The following NELL1 variants were observed in gnomAD, a reference collection of about 807,000 sequenced individuals.
NELL1 encodes neural EGFL like 1.
Under a neutral mutation model 107.4 loss-of-function variants are expected in NELL1, and 76 were observed. The observed-to-expected ratio is 0.71, with a 90% CI of 0.59 to 0.86. The LOEUF (loss-of-function observed/expected upper bound fraction) is 0.86. NELL1 is among the 40% of genes least tolerant of loss of function. The probability of loss-of-function intolerance (pLI) is 0.00; values close to 1 mark genes in which losing one functional copy is unlikely to be tolerated. For missense variants in NELL1, 1,024 were observed against 1,005.5 expected (o/e 1.02, Z -0.25); for synonymous variants, 353 against 341.2 (o/e 1.03, Z -0.38).
chr11:20,798,935 T>C (rs1857227399), intron 3 of NELL1, among the ~76,000 whole-genome samples: 1 of 99,294 alleles, frequency 1.0e-5, no homozygotes, highest in East Asian at 4.4e-4. Context: ...GGGCCTGTCC[T>C]CAGGGAGCTT....
intron 2 of NELL1, among the ~76,000 whole-genome samples, chr11:20,773,095 C>T (rs970744017): frequency 1.3e-5 from 2 of 152,236 alleles, no homozygotes; most frequent in Admixed American, 6.5e-5. Flanking sequence ...GAACTGACCA[C>T]TAACCATGCC....
intron 11 of NELL1, among the ~76,000 whole-genome samples, chr11:20,953,614 C>T (rs1248004221): frequency 6.6e-6 from 1 of 152,118 alleles, no homozygotes; most frequent in Admixed American, 6.5e-5. Context: ...ACAGGACCAC[C>T]ACTGCATCCA....
chr11:21,497,156 C>G (rs900715913), intron 15 of NELL1, among the ~76,000 whole-genome samples: 1 of 106,262 alleles, frequency 9.4e-6, no homozygotes, highest in South Asian at 3.1e-4. Flanking sequence ...AATGGGATGG[C>G]TGGGGTGGGG....
chr11:21,266,170 CA>C (rs1235521879), intron 14 of NELL1, among the ~76,000 whole-genome samples: 10 of 149,788 alleles, frequency 6.7e-5, no homozygotes, highest in Admixed American at 6.0e-4. Flanking sequence ...CATGAACTGG[CA>C]GTTCGCATTC....
chr11:20,835,598 T>G (rs1848518870), intron 3 of NELL1, among the ~76,000 whole-genome samples: 1 of 152,238 alleles, frequency 6.6e-6, no homozygotes, highest in Non-Finnish European at 1.5e-5. Flanking sequence ...GAGAATACTC[T>G]GCTACCATTT....
chr11:20,810,548 T>G (rs1454589308), intron 3 of NELL1, among the ~76,000 whole-genome samples: 1 of 152,244 alleles, frequency 6.6e-6, no homozygotes, highest in Non-Finnish European at 1.5e-5. Flanking sequence ...ATGCTGTTAA[T>G]TCATTCCTTT....
At chr11:21,563,491 C>G (rs1856898241) in intron 17 of NELL1, among the ~76,000 whole-genome samples, 1 of 151,970 alleles carries the variant, frequency 6.6e-6, no homozygotes, top group Admixed American at 6.6e-5. Context: ...GTTCCACATT[C>G]TTGGATTCAA....
chr11:21,330,608 C>A (rs956933313), intron 14 of NELL1, among the ~76,000 whole-genome samples: 2 of 151,956 alleles, frequency 1.3e-5, no homozygotes, highest in Non-Finnish European at 2.9e-5. Context: ...GCCTGGGATT[C>A]TTTTATGTAT....
Position 21,527,592 on chromosome 11 carries a change from A to G in NELL1, c.1646-6782A>G, listed in dbSNP as rs189726138. Among the ~76,000 whole-genome samples, 547 of 152,328 alleles carry G rather than the reference A, an allele frequency of 3.6e-3. 1 individual carries two copies. The highest frequency in any genetic ancestry group is 5.7e-3 in the Non-Finnish European group (390 of 68,040). On this transcript the variant is annotated intron_variant, in intron 15 of 19. Transcript: ENST00000357134. ...GAGTTTATTAGGAGAATTGACTCACATGATCACAAGCTAAAGTCCCACAAT... is the reference window on the plus strand; with the variant it reads ...GAGTTTATTAGGAGAATTGACTCACGTGATCACAAGCTAAAGTCCCACAAT...
chr11:20,928,016 G>A (rs1464329433), intron 8 of NELL1, among the ~76,000 whole-genome samples: 1 of 152,178 alleles, frequency 6.6e-6, no homozygotes, highest in Non-Finnish European at 1.5e-5. Context: ...TCTGAAGAAT[G>A]CCATTGTTTG....
At chr11:20,989,978 CAG>C (rs1286949417) in intron 12 of NELL1, among the ~76,000 whole-genome samples, 1 of 143,944 alleles carries the variant, frequency 6.9e-6, no homozygotes. Context: ...GCCTGGGAGA[CAG>C]AGTGAGACTC....
intron 5 of NELL1, among the ~76,000 whole-genome samples, chr11:20,905,374 A>G (rs1348428349): frequency 1.3e-5 from 2 of 152,190 alleles, no homozygotes. Flanking sequence ...ATAAAGTCAC[A>G]GGCAAACAAA....
rs368490544 is a variant in NELL1 at position 21,398,656 on chromosome 11, G to T, written c.1645+27708G>T. Among the ~76,000 whole-genome samples, 264 of 151,870 alleles carry T rather than the reference G, an allele frequency of 1.7e-3. 8 individuals carry two copies. The South Asian group carries it at 0.052, about 30-fold the overall frequency. The stretch of plus-strand genomic sequence containing the variant: ...AAGATCTCATTAGAACAGAGATTCT[G>T]TTCCTACCAATGATCAGCTGGTCTT... On this transcript the variant is annotated intron_variant, in intron 15 of 19. Coordinates refer to ENST00000357134, the MANE Select transcript of NELL1 (RefSeq NM_006157.5).
intron 12 of NELL1, among the ~76,000 whole-genome samples, chr11:21,097,376 A>G (rs1854671025): frequency 2.0e-5 from 3 of 152,236 alleles, no homozygotes; most frequent in Admixed American, 6.5e-5. Context: ...CGCATCAGTC[A>G]AGATTGCAAG....
chr11:21,345,607 T>C (rs1438303051), intron 14 of NELL1, among the ~76,000 whole-genome samples: 1 of 152,182 alleles, frequency 6.6e-6, no homozygotes, highest in Non-Finnish European at 1.5e-5. Flanking sequence ...TCCCAAGACA[T>C]TATGTTTCAT....
chr11:20,862,930 T>C (rs370196902), intron 4 of NELL1, among the ~76,000 whole-genome samples: 5 of 152,266 alleles, frequency 3.3e-5, no homozygotes, highest in Admixed American at 6.5e-5. Context: ...GGTAAGGTCA[T>C]AGATCAACAG....
chr11:20,758,929 G>T (rs1304556156), intron 2 of NELL1, among the ~76,000 whole-genome samples: 3 of 152,094 alleles, frequency 2.0e-5, no homozygotes, highest in African/African-American at 7.2e-5. Flanking sequence ...TTAAAAAATT[G>T]GTGGAAGTAC....
chr11:21,404,008 C>CCT (rs1554905740), intron 15 of NELL1, among the ~76,000 whole-genome samples: 1 of 99,652 alleles, frequency 1.0e-5, no homozygotes, highest in African/African-American at 3.5e-5. Flanking sequence ...TTCCTGAACC[C>CCT]CCCCCCCCGC....
chr11:21,329,131 G>C (rs909953238), intron 14 of NELL1, among the ~76,000 whole-genome samples: 1 of 152,098 alleles, frequency 6.6e-6, no homozygotes, highest in African/African-American at 2.4e-5. Context: ...TGGTTCATCT[G>C]TATCCTTACC....
Sources: gnomAD v4.1 joint callset for allele counts (sites outside exome capture counted in the v4.1 genomes callset) on GRCh38, gnomAD v4.1.1 for gene constraint, MANE v1.5 for transcripts, NCBI Gene and HGNC (gene_info 2026-07-23, HGNC 2026-07-21) for gene names.